The following ARHGEF28 variants were observed in gnomAD, a reference collection of about 807,000 sequenced individuals.
ARHGEF28 encodes the protein Rho guanine nucleotide exchange factor 28.
In ARHGEF28, 152 loss-of-function variants were observed where a neutral mutation model predicts 206.6. The observed-to-expected ratio is 0.74, with a 90% CI of 0.64 to 0.84. The LOEUF is 0.84. Among genes scored for constraint, ARHGEF28 ranks in the 40% least tolerant of loss-of-function variants. The pLI is 0.00. For synonymous variants in ARHGEF28, 763 were observed against 776.4 expected (o/e 0.98, Z 0.29); for missense variants, 2,028 against 2,073.2 (o/e 0.98, Z 0.42).
At chr5:73,857,892 C>T (rs1759149273) in intron 15 of ARHGEF28, 113 bp downstream of exon 15, 3 of 1,405,058 alleles carry the variant, frequency 2.1e-6, no homozygotes, top group South Asian at 1.5e-5. Flanking sequence ...TTTATTTACA[C>T]ATATTTCTTA....
chr5:73,635,293 G>A (rs925430514), intron 1 of ARHGEF28, among the ~76,000 whole-genome samples: 10 of 152,104 alleles, frequency 6.6e-5, no homozygotes, highest in Admixed American at 3.3e-4. Flanking sequence ...CAAGTGGGCC[G>A]AGATCGCGTC....
At chr5:73,642,542 T>C (rs1316804083) in intron 1 of ARHGEF28, among the ~76,000 whole-genome samples, 2 of 152,176 alleles carry the variant, frequency 1.3e-5, no homozygotes. Context: ...TTTAAATGCA[T>C]TGCATTTTGA....
intron 1 of ARHGEF28, among the ~76,000 whole-genome samples, chr5:73,666,381 C>T (rs538088569): frequency 3.2e-4 from 49 of 152,286 alleles, no homozygotes; most frequent in African/African-American, 1.2e-3. Context: ...AAGCTGGTGG[C>T]CCTACAGTTC....
At chr5:73,775,170 T>C (rs933515175) in intron 5 of ARHGEF28, among the ~76,000 whole-genome samples, 60 of 152,156 alleles carry the variant, frequency 3.9e-4, no homozygotes, top group Non-Finnish European at 8.2e-4. Flanking sequence ...TCGTGAACAA[T>C]TCTGTGTTCT....
Position 73,868,177 on chromosome 5 carries a change from T to C in ARHGEF28, c.2375T>C (p.Leu792Pro). The C allele has an allele frequency of 6.2e-7, 1 of 1,602,062 alleles. No homozygotes were observed. ...AGAAGCAGGTCTCATTCTGATGAGC[T>C]GCTACAGTCCATGGGCTCTTCTCCC... ...SCRSRSHSDE[L>P]LQSMGSSPST... Residue 792 changes from leucine (L) to proline (P), a missense_variant, in exon 20 of 36, where the codon CTG (leucine) becomes CCG (proline). Physicochemically the swap from Leu to Pro is moderately conservative, Grantham distance 98 (BLOSUM62 -3). This residue lies in a region of ARHGEF28 where 1,002 missense variants were observed against 1,015.3 expected (regional missense o/e 0.99). Coordinates refer to ENST00000513042, the MANE Select transcript of ARHGEF28 (RefSeq NM_001177693.2).
At chr5:73,928,754 G>C (rs1763954421) in intron 35 of ARHGEF28, among the ~76,000 whole-genome samples, 1 of 152,178 alleles carries the variant, frequency 6.6e-6, no homozygotes, top group African/African-American at 2.4e-5. Context: ...AGTGTGGGTA[G>C]GGTTGTGAGG....
chr5:73,705,877 G>A (rs1399303688), intron 2 of ARHGEF28, among the ~76,000 whole-genome samples: 1 of 152,124 alleles, frequency 6.6e-6, no homozygotes, highest in East Asian at 1.9e-4. Flanking sequence ...GTGACTTATT[G>A]GTAGGCAGGT....
In ARHGEF28 at chr5:73,916,909, CATA is replaced by C. The variant is rs536022726; in HGVS notation, c.4948+5342_4948+5344del. Among the ~76,000 whole-genome samples, 7 of 152,192 alleles carry C rather than the reference CATA, an allele frequency of 4.6e-5. No individual in the cohort carries two copies. The South Asian group carries it at 1.5e-3, about 32-fold the overall frequency. On this transcript the variant is annotated intron_variant, in intron 35 of 35. Coordinates refer to ENST00000513042, the MANE Select transcript of ARHGEF28 (RefSeq NM_001177693.2). Reference sequence around the variant, plus strand: ...AACTTTGTAAAGAAAATAATAATTACATAATAATAAAATTGTGATGAATATTTA... The same window carrying C: ...AACTTTGTAAAGAAAATAATAATTACATAATAAAATTGTGATGAATATTTA...
At chr5:73,855,142 T>C (rs1262276475) in intron 14 of ARHGEF28, among the ~76,000 whole-genome samples, 1 of 152,198 alleles carries the variant, frequency 6.6e-6, no homozygotes, top group African/African-American at 2.4e-5. Flanking sequence ...ATTATGAAAT[T>C]ATTTGAAGGT....
chr5:73,681,527 A>G (rs975592363), intron 1 of ARHGEF28, among the ~76,000 whole-genome samples: 19 of 152,014 alleles, frequency 1.2e-4, no homozygotes, highest in African/African-American at 4.3e-4. Flanking sequence ...AAAATTGATG[A>G]TTATAGGCTG....
At chr5:73,640,523 TA>T (rs961853293) in intron 1 of ARHGEF28, among the ~76,000 whole-genome samples, 1 of 152,138 alleles carries the variant, frequency 6.6e-6, no homozygotes, top group African/African-American at 2.4e-5. Context: ...AACAATTTTT[TA>T]AAAATTAAAC....
At chr5:73,659,845 A>G (rs567281125) in intron 1 of ARHGEF28, among the ~76,000 whole-genome samples, 84 of 152,346 alleles carry the variant, frequency 5.5e-4, no homozygotes, top group African/African-American at 2.0e-3. Context: ...ACCTAATTAA[A>G]AATACTTTAT....
At chr5:73,738,646 G>A (rs1751175571) in intron 2 of ARHGEF28, among the ~76,000 whole-genome samples, 1 of 152,170 alleles carries the variant, frequency 6.6e-6, no homozygotes, top group African/African-American at 2.4e-5. Flanking sequence ...TTGTACAAAG[G>A]AGAGGGACTG....
intron 1 of ARHGEF28, among the ~76,000 whole-genome samples, chr5:73,659,279 A>T (rs1056559506): frequency 6.6e-6 from 1 of 152,212 alleles, no homozygotes; most frequent in Non-Finnish European, 1.5e-5. Context: ...AAAGTTTGTT[A>T]TGTCACTTTG....
At chr5:73,705,565 T>C (rs559530837) in intron 2 of ARHGEF28, among the ~76,000 whole-genome samples, 1 of 152,086 alleles carries the variant, frequency 6.6e-6, no homozygotes, top group African/African-American at 2.4e-5. Flanking sequence ...TCTTGGTTTT[T>C]CCATAAATTA....
At chr5:73,720,838 G>C (rs1749895356) in intron 2 of ARHGEF28, among the ~76,000 whole-genome samples, 1 of 152,126 alleles carries the variant, frequency 6.6e-6, no homozygotes, top group Non-Finnish European at 1.5e-5. Context: ...TGCCAGCTCT[G>C]AGAAAAATCA....
chr5:73,851,568 G>A (rs1041632171), intron 13 of ARHGEF28, among the ~76,000 whole-genome samples: 3 of 152,084 alleles, frequency 2.0e-5, no homozygotes, highest in African/African-American at 7.2e-5. Flanking sequence ...TCTCACCAAG[G>A]GGGACAAAGG....
intron 9 of ARHGEF28, among the ~76,000 whole-genome samples, chr5:73,807,173 T>C (rs2112510918): frequency 6.6e-6 from 1 of 152,038 alleles, no homozygotes; most frequent in East Asian, 1.9e-4. Flanking sequence ...TCCCTATCCC[T>C]GCACCCCTGC....
chr5:73,893,844 G>A (rs1761797980), intron 28 of ARHGEF28, among the ~76,000 whole-genome samples: 1 of 152,182 alleles, frequency 6.6e-6, no homozygotes, highest in Non-Finnish European at 1.5e-5. Flanking sequence ...AAGCACAGAG[G>A]GGACTGAGAA....
Sources: gnomAD v4.1 joint callset for allele counts (sites outside exome capture counted in the v4.1 genomes callset) on GRCh38, gnomAD v4.1.1 for gene constraint, gnomAD v4.1.1 regional missense constraint, MANE v1.5 for transcripts, NCBI Gene and HGNC (gene_info 2026-07-23, HGNC 2026-07-21) for gene names.